DPP10: variants seen among roughly 807,000 people sequenced by gnomAD.
DPP10 encodes inactive dipeptidyl peptidase 10.
Under a neutral mutation model 120.9 loss-of-function variants are expected in DPP10, and 33 were observed. The ratio of observed to expected loss-of-function variants is 0.27; its 90% CI spans 0.21 to 0.37. The LOEUF (loss-of-function observed/expected upper bound fraction) is 0.37, where lower values mean the gene tolerates loss of function less well. Among genes scored for constraint, DPP10 ranks in the 10% least tolerant of loss-of-function variants. The pLI, the probability that DPP10 is intolerant of heterozygous loss-of-function variation, is 1.00. For synonymous variants in DPP10, 337 were observed against 326.1 expected, an observed-to-expected ratio of 1.03 and a Z score of -0.36; for missense variants, 816 against 942.8, an observed-to-expected ratio of 0.87 and a Z score of 1.76.
At chr2:115,182,009 A>T (rs530721851) in intron 1 of DPP10, among the ~76,000 whole-genome samples, 2 of 152,350 alleles carry the variant, frequency 1.3e-5, no homozygotes, top group East Asian at 1.9e-4. Context: ...ACAGTCTTTC[A>T]TGTGCAGTGA....
chr2:114,584,020 TA>T (rs1278466516), intron 1 of DPP10, among the ~76,000 whole-genome samples: 1 of 152,174 alleles, frequency 6.6e-6, no homozygotes, highest in Non-Finnish European at 1.5e-5. Flanking sequence ...TGTTAAGAAA[TA>T]TTTTTTTAAA....
At chr2:115,105,955 C>T (rs1263371182) in intron 1 of DPP10, among the ~76,000 whole-genome samples, 1 of 152,172 alleles carries the variant, frequency 6.6e-6, no homozygotes, top group Non-Finnish European at 1.5e-5. Flanking sequence ...CACAAACCTT[C>T]TAATTTTTAT....
chr2:114,845,243 A>T (rs1688453259), intron 1 of DPP10, among the ~76,000 whole-genome samples: 2 of 152,156 alleles, frequency 1.3e-5, no homozygotes, highest in African/African-American at 2.4e-5. Flanking sequence ...TTTCCAATCA[A>T]GAAACTTACA....
At chr2:114,909,790 T>C (rs1694229413) in intron 1 of DPP10, among the ~76,000 whole-genome samples, 1 of 152,058 alleles carries the variant, frequency 6.6e-6, no homozygotes. Flanking sequence ...ACACAAATCT[T>C]CTTTATAGGA....
intron 3 of DPP10, among the ~76,000 whole-genome samples, chr2:115,416,241 A>C (rs1446133433): frequency 6.6e-6 from 1 of 152,176 alleles, no homozygotes; most frequent in Non-Finnish European, 1.5e-5. Flanking sequence ...GGTAGATTCA[A>C]GGTTGATAAA....
At chr2:114,594,849 G>C (rs2105185678) in intron 1 of DPP10, among the ~76,000 whole-genome samples, 1 of 151,908 alleles carries the variant, frequency 6.6e-6, no homozygotes, top group Non-Finnish European at 1.5e-5. Context: ...TTTGCTCTCT[G>C]ACTCTGCTTA....
intron 5 of DPP10, among the ~76,000 whole-genome samples, chr2:115,528,751 AAAAC>A (rs1237707496): frequency 6.6e-6 from 1 of 152,178 alleles, no homozygotes; most frequent in African/African-American, 2.4e-5. Context: ...AAGTGAAAAA[AAAAC>A]AGTCCCAAAT....
At chr2:115,616,361 A>C (rs10496499) in intron 5 of DPP10, among the ~76,000 whole-genome samples, 29,206 of 151,748 alleles carry the variant, frequency 0.19, 3,564 homozygotes, top group African/African-American at 0.34. Context: ...ACTGGGTCAC[A>C]GAGAATGAAG....
At position 115,049,753 on chromosome 2, in the gene DPP10, T is replaced by G. The variant is rs192101510; in HGVS notation, c.61-259486T>G. Among the ~76,000 whole-genome samples, 10 of 152,348 alleles carry G rather than the reference T, an allele frequency of 6.6e-5. No homozygotes were observed. In the East Asian group the frequency reaches 1.9e-3, roughly 29 times the overall value. ...TACATTGTGCATTTCTGCACTCTTC[T>G]TCCTAGTTTTAACCGACAATTTAGT... On this transcript the variant is annotated intron_variant, in intron 1 of 25. Transcript: ENST00000410059.
chr2:114,752,064 G>T (rs764498537), intron 1 of DPP10, among the ~76,000 whole-genome samples: 12 of 152,196 alleles, frequency 7.9e-5, no homozygotes, highest in Non-Finnish European at 1.8e-4. Flanking sequence ...TTATGAGGCA[G>T]TTGTCTGGGG....
At chr2:115,037,416 A>T (rs562074553) in intron 1 of DPP10, among the ~76,000 whole-genome samples, 93 of 152,228 alleles carry the variant, frequency 6.1e-4, no homozygotes, top group African/African-American at 2.0e-3. Context: ...TAATTCATTC[A>T]TTCATATTTT....
At chr2:114,705,553 A>T (rs1429175253) in intron 1 of DPP10, among the ~76,000 whole-genome samples, 1 of 152,152 alleles carries the variant, frequency 6.6e-6, no homozygotes, top group Non-Finnish European at 1.5e-5. Context: ...TTAGTTGCCA[A>T]AAGGAAATGG....
At position 114,648,322 on chromosome 2, in the gene DPP10, TG is replaced by T. The variant is rs542791690; in HGVS notation, c.60+205486del. Among the ~76,000 whole-genome samples the T allele has an allele frequency of 4.9e-3, 753 of 152,340 alleles. 3 individuals are homozygous for T. Among genetic ancestry groups the T allele is most frequent in the Middle Eastern group, 0.017 (5 of 294 alleles). On this transcript the variant is annotated intron_variant, in intron 1 of 25. Coordinates refer to ENST00000410059, the MANE Select transcript of DPP10 (RefSeq NM_020868.6). Reference sequence around the variant, plus strand: ...CTATGAAACTAGCAGGTTAACTTGTTGGCTAGCAAGTAGGGTTAAATCTCAG... The same window carrying T: ...CTATGAAACTAGCAGGTTAACTTGTTGCTAGCAAGTAGGGTTAAATCTCAG...
intron 1 of DPP10, chr2:115,064,570 C>A (rs963388205): frequency 9.2e-7 from 1 of 1,088,896 alleles, no homozygotes. Context: ...CCCACCCCTA[C>A]ACACACATAT....
chr2:114,665,804 T>C (rs1697878661), intron 1 of DPP10, among the ~76,000 whole-genome samples: 3 of 152,162 alleles, frequency 2.0e-5, no homozygotes, highest in South Asian at 2.1e-4. Context: ...CCTTCACTCA[T>C]AGAAATTACT....
chr2:114,966,923 T>A (rs1308965778), intron 1 of DPP10, among the ~76,000 whole-genome samples: 2 of 152,124 alleles, frequency 1.3e-5, no homozygotes, highest in Non-Finnish European at 2.9e-5. Flanking sequence ...ATGCCTGTAA[T>A]CCCAGCTACT....
At chr2:114,789,102 G>A (rs1683025148) in intron 1 of DPP10, among the ~76,000 whole-genome samples, 1 of 152,152 alleles carries the variant, frequency 6.6e-6, no homozygotes, top group African/African-American at 2.4e-5. Context: ...ATGCCCATCA[G>A]AGACATTCTG....
intron 1 of DPP10, among the ~76,000 whole-genome samples, chr2:114,978,933 G>T (rs908238835): frequency 2.6e-5 from 4 of 152,018 alleles, no homozygotes; most frequent in Non-Finnish European, 4.4e-5. Context: ...TTCCATGCTG[G>T]ACCGTATAAT....
intron 5 of DPP10, among the ~76,000 whole-genome samples, chr2:115,629,232 T>G (rs2085633628): frequency 6.6e-6 from 1 of 152,218 alleles, no homozygotes; most frequent in East Asian, 1.9e-4. Context: ...ACATTTGGGT[T>G]GGTTCCAAGT....
Sources: gnomAD v4.1 joint callset for allele counts (sites outside exome capture counted in the v4.1 genomes callset) on GRCh38, gnomAD v4.1.1 for gene constraint, MANE v1.5 for transcripts, NCBI Gene and HGNC (gene_info 2026-07-23, HGNC 2026-07-21) for gene names.